The following MID1 variants were observed in gnomAD, a reference collection of about 807,000 sequenced individuals.
The protein encoded by MID1 is midline 1, also known as E3 ubiquitin-protein ligase Midline-1.
A neutral mutation model predicts 40.4 loss-of-function variants in MID1; 7 were observed. The ratio of observed to expected loss-of-function variants is 0.17; its 90% CI spans 0.10 to 0.33. MID1 has a LOEUF of 0.33. Ranked by LOEUF, MID1 falls within the 10% of genes least tolerant of loss-of-function variation. The pLI, the probability that MID1 is intolerant of heterozygous loss-of-function variation, is 1.00. For missense variants in MID1, 367 were observed against 558.5 expected (o/e 0.66, Z 3.46); for synonymous variants, 229 against 221.2 (o/e 1.04, Z -0.31).
intron 1 of MID1, 139 bp from the exon 2 acceptor site, chrX:10,567,742 T>C (rs1343476397): frequency 9.0e-6 from 4 of 444,985 alleles, no homozygotes; most frequent in African/African-American, 4.9e-5. Context: ...TAATTCTCTT[T>C]CTATTCACTG....
intron 1 of MID1, among the ~76,000 whole-genome samples, chrX:10,714,813 T>C (rs973527946): frequency 4.5e-5 from 5 of 111,526 alleles, no homozygotes; most frequent in Non-Finnish European, 9.4e-5. Context: ...GGGAACAATA[T>C]CATCAGACAA....
Position 10,617,436 on chromosome X carries a change from G to A in MID1, c.-57+2854C>T, listed in dbSNP as rs775074927. Among the ~76,000 whole-genome samples the A allele has an allele frequency of 1.0e-3, 113 of 112,244 alleles. 1 individual carries two copies. The highest frequency in any genetic ancestry group is 1.1e-3 in the Non-Finnish European group (59 of 53,226). ...GAACGGGCTAACCAAACAGATTCAC[G>A]GCTTCCTTGAAACAGCAGCATCCTG... On this transcript the variant is annotated intron_variant, in intron 1 of 9. Transcript: ENST00000317552.
intron 1 of MID1, among the ~76,000 whole-genome samples, chrX:10,782,338 G>A (rs2043853167): frequency 1.8e-5 from 2 of 111,789 alleles, no homozygotes; most frequent in Non-Finnish European, 1.9e-5. Flanking sequence ...TTTTGTCATG[G>A]CCTTGGAATT....
chrX:10,556,711 A>C (rs937071892), intron 2 of MID1, among the ~76,000 whole-genome samples: 7 of 112,393 alleles, frequency 6.2e-5, no homozygotes. Context: ...TGCGACATGC[A>C]AAATGTGTTT....
intron 1 of MID1, among the ~76,000 whole-genome samples, chrX:10,579,492 C>G (rs1934953984): frequency 8.9e-6 from 1 of 112,036 alleles, no homozygotes; most frequent in African/African-American, 3.2e-5. Flanking sequence ...AGAACAAATA[C>G]TAGTCTCGTG....
intron 1 of MID1, among the ~76,000 whole-genome samples, chrX:10,614,972 C>T (rs1935814716): frequency 9.0e-6 from 1 of 111,710 alleles, no homozygotes; most frequent in Non-Finnish European, 1.9e-5. Flanking sequence ...TTGGGGACTA[C>T]CTATGAGTTA....
At chrX:10,712,938 G>A (rs2043278631) in intron 1 of MID1, among the ~76,000 whole-genome samples, 1 of 111,612 alleles carries the variant, frequency 9.0e-6, no homozygotes. Context: ...CCAGGTTCAA[G>A]CGATTCTCCT....
chrX:10,589,311 C>T (rs1407001330), intron 1 of MID1, among the ~76,000 whole-genome samples: 1 of 109,971 alleles, frequency 9.1e-6, no homozygotes, highest in Non-Finnish European at 1.9e-5. Flanking sequence ...CAAGTTCCTA[C>T]TCAAATGGAG....
chrX:10,579,584 C>T (rs1217226765), intron 1 of MID1, among the ~76,000 whole-genome samples: 1 of 111,443 alleles, frequency 9.0e-6, no homozygotes, highest in African/African-American at 3.3e-5. Flanking sequence ...AATATGATGC[C>T]TCCTTTTCTC....
chrX:10,453,677 C>T (rs1309463374), intron 9 of MID1, among the ~76,000 whole-genome samples: 1 of 111,977 alleles, frequency 8.9e-6, no homozygotes, highest in Admixed American at 9.5e-5. Context: ...GGCTGCTTTC[C>T]CACTACAACA....
rs924505112 is a variant in MID1 at position 10,527,078 on chromosome X, G to C, written c.661-3891C>G. Among the ~76,000 whole-genome samples the C allele has an allele frequency of 4.5e-5, 5 of 112,042 alleles. No homozygotes were observed. In the East Asian group the frequency reaches 1.4e-3, roughly 31 times the overall value. On this transcript the variant is annotated intron_variant, in intron 2 of 9. Coordinates refer to ENST00000317552, the MANE Select transcript of MID1 (RefSeq NM_000381.4). ...TCCATAATCTCTTGATTTTGATTGT[G>C]ACTTGTGCAAAACAGAGATCATACT...
rs2044092664 is a variant in MID1 at position 10,810,706 on chromosome X, G to C, written c.-187+22848C>G. On this transcript the variant is annotated intron_variant, in intron 1 of 10. Transcript: ENST00000380785. Reference sequence around the variant, plus strand: ...CGCTTGTTGTTTTCTCTGTGTGTGTGTGTGTGTGTGTGTGTGTGTTTGATA... The same window carrying C: ...CGCTTGTTGTTTTCTCTGTGTGTGTCTGTGTGTGTGTGTGTGTGTTTGATA... Among the ~76,000 whole-genome samples the C allele has an allele frequency of 2.7e-5, 3 of 109,697 alleles. No homozygotes were observed. In the South Asian group the frequency reaches 1.2e-3, roughly 44 times the overall value.
At chrX:10,694,907 A>G (rs1357333217) in intron 1 of MID1, among the ~76,000 whole-genome samples, 4 of 111,476 alleles carry the variant, frequency 3.6e-5, no homozygotes, top group African/African-American at 1.3e-4. Context: ...TTTGGGAGAA[A>G]CTTAGTTTAT....
chrX:10,592,239 T>C (rs1342189803), intron 1 of MID1, among the ~76,000 whole-genome samples: 2 of 94,855 alleles, frequency 2.1e-5, no homozygotes, highest in Non-Finnish European at 4.1e-5. Context: ...CAGTGTCTTC[T>C]TAATCAAACA....
chrX:10,800,118 G>A (rs1041368236), intron 1 of MID1, among the ~76,000 whole-genome samples: 1 of 111,259 alleles, frequency 9.0e-6, no homozygotes, highest in Admixed American at 9.6e-5. Context: ...TATAGGACAT[G>A]GCAACATTGA....
chrX:10,592,397 T>C (rs1935326323), intron 1 of MID1, among the ~76,000 whole-genome samples: 1 of 109,594 alleles, frequency 9.1e-6, no homozygotes, highest in Admixed American at 9.9e-5. Context: ...CTCGTATAAA[T>C]TGTTTTTACC....
intron 1 of MID1, among the ~76,000 whole-genome samples, chrX:10,736,883 C>A (rs1440276599): frequency 8.9e-6 from 1 of 111,975 alleles, no homozygotes; most frequent in Non-Finnish European, 1.9e-5. Context: ...ATGTCCTAAA[C>A]CTTCTCTTTA....
chrX:10,533,516 A>G, intron 2 of MID1, among the ~76,000 whole-genome samples: 1 of 110,615 alleles, frequency 9.0e-6, no homozygotes, highest in East Asian at 2.8e-4. Flanking sequence ...TAATTTATAC[A>G]TAACATTTTT....
intron 1 of MID1, among the ~76,000 whole-genome samples, chrX:10,728,788 A>C (rs764228397): frequency 1.8e-5 from 2 of 112,036 alleles, no homozygotes; most frequent in Non-Finnish European, 3.8e-5. Context: ...ATTGGGTGTG[A>C]CTTTGGGCCT....
Sources: gnomAD v4.1 joint callset for allele counts (sites outside exome capture counted in the v4.1 genomes callset) on GRCh38, gnomAD v4.1.1 for gene constraint, MANE v1.5 for transcripts, NCBI Gene and HGNC (gene_info 2026-07-23, HGNC 2026-07-21) for gene names.